The following ERBB4 variants were observed in gnomAD, a reference collection of about 807,000 sequenced individuals.
ERBB4 encodes receptor tyrosine-protein kinase erbB-4.
Under a neutral mutation model 158.0 loss-of-function variants are expected in ERBB4, and 42 were observed. The observed-to-expected ratio is 0.27, with a 90% CI of 0.21 to 0.34. ERBB4 has a LOEUF of 0.34. Among genes scored for constraint, ERBB4 ranks in the 10% least tolerant of loss-of-function variants. The pLI, the probability that ERBB4 is intolerant of heterozygous loss-of-function variation, is 1.00. For synonymous variants in ERBB4, 583 were observed against 558.7 expected (o/e 1.04, Z -0.61); for missense variants, 1,333 against 1,624.1 (o/e 0.82, Z 3.08).
chr2:212,241,988 T>G (rs989101519), intron 1 of ERBB4, among the ~76,000 whole-genome samples: 3 of 151,982 alleles, frequency 2.0e-5, no homozygotes, highest in Non-Finnish European at 4.4e-5. Context: ...GAAAAAAAAT[T>G]CAAATATGAT....
intron 20 of ERBB4, among the ~76,000 whole-genome samples, chr2:211,453,601 T>A (rs1490756974): frequency 2.0e-5 from 3 of 152,188 alleles, no homozygotes; most frequent in Non-Finnish European, 4.4e-5. Flanking sequence ...AATGTTTTCT[T>A]AAATCCATTT....
chr2:211,760,814 ACT>A (rs1208883264), intron 4 of ERBB4, among the ~76,000 whole-genome samples: 2 of 152,094 alleles, frequency 1.3e-5, no homozygotes, highest in African/African-American at 4.8e-5. Flanking sequence ...AGCACTCTTT[ACT>A]CTCTGCACAG....
At chr2:211,551,223 A>T (rs12475861) in intron 20 of ERBB4, among the ~76,000 whole-genome samples, 1 of 151,998 alleles carries the variant, frequency 6.6e-6, no homozygotes, top group East Asian at 1.9e-4. Context: ...TTACCATCAA[A>T]TTAGATTCAT....
chr2:212,515,332 G>A (rs1691763703), intron 1 of ERBB4, among the ~76,000 whole-genome samples: 1 of 152,146 alleles, frequency 6.6e-6, no homozygotes, highest in Admixed American at 6.5e-5. Context: ...TAACTGGTTT[G>A]TAGTCCACAG....
chr2:212,497,877 C>T (rs1054941861), intron 1 of ERBB4, among the ~76,000 whole-genome samples: 1 of 152,128 alleles, frequency 6.6e-6, no homozygotes, highest in Non-Finnish European at 1.5e-5. Flanking sequence ...AAGTTGTGGA[C>T]ATTTTAAACT....
intron 3 of ERBB4, among the ~76,000 whole-genome samples, chr2:211,943,482 C>A (rs746862884): frequency 1.1e-4 from 16 of 152,122 alleles, no homozygotes; most frequent in Non-Finnish European, 2.1e-4. Context: ...GGGACCTTCC[C>A]AATGGCCTCA....
At chr2:212,385,327 T>TTG (rs1390292003) in intron 1 of ERBB4, among the ~76,000 whole-genome samples, 1 of 151,862 alleles carries the variant, frequency 6.6e-6, no homozygotes, top group Non-Finnish European at 1.5e-5. Flanking sequence ...AATATAGTGC[T>TTG]TTTAACAAAG....
intron 20 of ERBB4, among the ~76,000 whole-genome samples, chr2:211,502,617 C>T (rs1486247851): frequency 6.6e-6 from 1 of 152,074 alleles, no homozygotes; most frequent in African/African-American, 2.4e-5. Flanking sequence ...TTAGAGAGTT[C>T]TACTGTGTTT....
At chr2:211,772,192 T>C (rs1370247054) in intron 4 of ERBB4, among the ~76,000 whole-genome samples, 1 of 152,166 alleles carries the variant, frequency 6.6e-6, no homozygotes, top group Non-Finnish European at 1.5e-5. Flanking sequence ...TGGGAAGACG[T>C]TAGAAATATT....
chr2:212,105,658 A>C (rs979613022), intron 2 of ERBB4, among the ~76,000 whole-genome samples: 1 of 152,232 alleles, frequency 6.6e-6, no homozygotes, highest in Non-Finnish European at 1.5e-5. Flanking sequence ...TATGACAATT[A>C]TGAAAACAAT....
chr2:211,953,068 T>C lies in ERBB4; in HGVS notation c.235-5452A>G, dbSNP rs529434330. ...GACTCTGGCGCTGAACATTTAATAA[T>C]GGCTGTGGAATGGAATGGAATCGAA... On this transcript the variant is annotated intron_variant, in intron 2 of 27. Transcript: ENST00000342788. 2.0e-5 allele frequency among the ~76,000 whole-genome samples: 3 copies of C among 152,206 alleles called. No individual in the cohort carries two copies. The South Asian group carries it at 6.2e-4, about 32-fold the overall frequency.
intron 1 of ERBB4, among the ~76,000 whole-genome samples, chr2:212,293,234 T>C (rs1574617089): frequency 6.6e-6 from 1 of 152,014 alleles, no homozygotes; most frequent in East Asian, 1.9e-4. Flanking sequence ...CTGCTCATTG[T>C]ATAAGATTAA....
At chr2:212,281,187 G>T (rs1463099543) in intron 1 of ERBB4, among the ~76,000 whole-genome samples, 3 of 151,414 alleles carry the variant, frequency 2.0e-5, no homozygotes, top group Non-Finnish European at 4.4e-5. Flanking sequence ...ATTATCATTA[G>T]TCTACTAATT....
intron 25 of ERBB4, among the ~76,000 whole-genome samples, chr2:211,408,580 T>C (rs1460012363): frequency 6.6e-6 from 1 of 152,230 alleles, no homozygotes; most frequent in Non-Finnish European, 1.5e-5. Flanking sequence ...AAGACACGCA[T>C]TGTCTTAGTG....
chr2:211,808,843 A>AAG, intron 3 of ERBB4, among the ~76,000 whole-genome samples: 1 of 152,164 alleles, frequency 6.6e-6, no homozygotes, highest in Non-Finnish European at 1.5e-5. Flanking sequence ...AGTCTTTCAC[A>AAG]TCCCTTGTAA....
intron 2 of ERBB4, among the ~76,000 whole-genome samples, chr2:211,953,997 T>A (rs2080957033): frequency 6.6e-6 from 1 of 152,074 alleles, no homozygotes; most frequent in African/African-American, 2.4e-5. Flanking sequence ...GATGGGACGG[T>A]ATTGGCTCAC....
chr2:212,194,470 A>G (rs371746788), intron 1 of ERBB4, among the ~76,000 whole-genome samples: 5 of 152,048 alleles, frequency 3.3e-5, no homozygotes, highest in Admixed American at 6.6e-5. Context: ...GGGCAATACT[A>G]TGTTACCTGT....
intron 1 of ERBB4, among the ~76,000 whole-genome samples, chr2:212,430,255 A>G (rs2091997564): frequency 6.6e-6 from 1 of 151,038 alleles, no homozygotes; most frequent in Non-Finnish European, 1.5e-5. Flanking sequence ...TAAGTAAAAT[A>G]TAACTAGCAG....
At chr2:211,739,608 C>A (rs1475433039) in intron 5 of ERBB4, among the ~76,000 whole-genome samples, 1 of 152,118 alleles carries the variant, frequency 6.6e-6, no homozygotes, top group East Asian at 1.9e-4. Context: ...GGACTACAGG[C>A]ACATGCCACC....
Sources: gnomAD v4.1 joint callset for allele counts (sites outside exome capture counted in the v4.1 genomes callset) on GRCh38, gnomAD v4.1.1 for gene constraint, MANE v1.5 for transcripts, NCBI Gene and HGNC (gene_info 2026-07-23, HGNC 2026-07-21) for gene names.